PACRG: variants seen among roughly 807,000 people sequenced by gnomAD.
PACRG encodes the protein parkin coregulated gene protein.
In PACRG, 29 loss-of-function variants were observed where a neutral mutation model predicts 29.7. The observed-to-expected ratio is 0.98, with a 90% CI of 0.73 to 1.33. PACRG has a LOEUF of 1.33. PACRG is among the 40% of genes most tolerant of loss of function. The probability of loss-of-function intolerance (pLI) is 0.00; values close to 1 mark genes in which losing one functional copy is unlikely to be tolerated. For missense variants in PACRG, 279 were observed against 316.2 expected, an observed-to-expected ratio of 0.88 and a Z score of 0.89; for synonymous variants, 116 against 118.7, an observed-to-expected ratio of 0.98 and a Z score of 0.15.
rs1192318629 is a variant in PACRG at position 163,076,833 on chromosome 6, C to T, written c.464-12426C>T. On this transcript the variant is annotated intron_variant, in intron 3 of 4. Coordinates refer to ENST00000366888, the MANE Select transcript of PACRG (RefSeq NM_001080379.2). ...TCTGATTCACCTCTCCACTCCCTAC[C>T]CTCAACTCCAGTCCTATCCCCACTC... 1.3e-5 allele frequency among the ~76,000 whole-genome samples: 2 copies of T among 152,048 alleles called. 1 individual carries two copies. Among genetic ancestry groups the T allele is most frequent in the African/African-American group, 4.8e-5 (2 of 41,372 alleles).
intron 4 of PACRG, among the ~76,000 whole-genome samples, chr6:163,117,768 AG>A (rs1033899994): frequency 4.7e-5 from 7 of 149,376 alleles, no homozygotes; most frequent in African/African-American, 7.3e-5. Flanking sequence ...AAAAAAAAAA[AG>A]TTTCTAATGA....
chr6:163,096,622 A>C (rs972857545), intron 4 of PACRG, among the ~76,000 whole-genome samples: 1 of 152,156 alleles, frequency 6.6e-6, no homozygotes, highest in African/African-American at 2.4e-5. Flanking sequence ...GGGAGGATTA[A>C]AGCAGCTCAT....
chr6:163,028,406 T>C (rs1280122695), intron 2 of PACRG, among the ~76,000 whole-genome samples: 1 of 152,114 alleles, frequency 6.6e-6, no homozygotes, highest in African/African-American at 2.4e-5. Flanking sequence ...TGCACCTCCA[T>C]GGATGGGTAG....
chr6:162,950,758 C>T (rs1445826618), intron 2 of PACRG, among the ~76,000 whole-genome samples: 1 of 152,014 alleles, frequency 6.6e-6, no homozygotes, highest in African/African-American at 2.4e-5. Context: ...ATATTTTAAA[C>T]TTGTAAAATG....
intron 2 of PACRG, among the ~76,000 whole-genome samples, chr6:162,927,061 A>G (rs928036922): frequency 1.3e-5 from 2 of 152,156 alleles, no homozygotes; most frequent in African/African-American, 4.8e-5. Flanking sequence ...AAAGCTCAAC[A>G]TCACTGATCA....
intron 2 of PACRG, among the ~76,000 whole-genome samples, chr6:162,968,961 C>T (rs975661965): frequency 3.4e-5 from 5 of 146,344 alleles, no homozygotes; most frequent in African/African-American, 5.1e-5. Context: ...GCAGGAGAAT[C>T]GCTTGAACCC....
intron 2 of PACRG, among the ~76,000 whole-genome samples, chr6:163,049,502 G>A (rs1030923135): frequency 2.0e-5 from 3 of 151,926 alleles, no homozygotes; most frequent in East Asian, 3.9e-4. Flanking sequence ...AAACATTAAC[G>A]AATTCAAAAA....
chr6:163,003,167 T>C (rs1238176816), intron 2 of PACRG, among the ~76,000 whole-genome samples: 1 of 152,188 alleles, frequency 6.6e-6, no homozygotes, highest in Admixed American at 6.5e-5. Flanking sequence ...GCATTATTAC[T>C]TCTCTTAAAG....
chr6:163,272,696 G>A (rs947883150), intron 4 of PACRG, among the ~76,000 whole-genome samples: 8 of 151,992 alleles, frequency 5.3e-5, no homozygotes, highest in African/African-American at 1.9e-4. Flanking sequence ...ACTTATAAAG[G>A]CAGTATTTCA....
intron 4 of PACRG, among the ~76,000 whole-genome samples, chr6:163,195,977 T>C (rs1780436078): frequency 6.6e-6 from 1 of 152,158 alleles, no homozygotes; most frequent in South Asian, 2.1e-4. Flanking sequence ...CCTCTTGCTC[T>C]TTCTGGAGAA....
upstream of PACRG, chr6:162,727,339 A>C: frequency 2.9e-5 from 11 of 378,726 alleles, no homozygotes; most frequent in East Asian, 1.5e-4. Flanking sequence ...GGCGGGGAGA[A>C]GGCTTCGGGA....
chr6:163,072,090 G>A (rs1368258888), intron 3 of PACRG, among the ~76,000 whole-genome samples: 1 of 151,040 alleles, frequency 6.6e-6, no homozygotes, highest in Non-Finnish European at 1.5e-5. Context: ...ATTCTATAAG[G>A]CCAGTATTAT....
At chr6:163,292,068 G>A (rs1211572467) in intron 4 of PACRG, among the ~76,000 whole-genome samples, 1 of 152,142 alleles carries the variant, frequency 6.6e-6, no homozygotes, top group Non-Finnish European at 1.5e-5. Context: ...GTGGAAAAGG[G>A]TGAATTTAAA....
At position 163,261,604 on chromosome 6, in the gene PACRG, C is replaced by T. The variant is rs75558881; in HGVS notation, c.614-53223C>T. On this transcript the variant is annotated intron_variant, in intron 4 of 4. Coordinates refer to ENST00000366888, the MANE Select transcript of PACRG (RefSeq NM_001080379.2). The stretch of plus-strand genomic sequence containing the variant: ...CTTATGCTGTGCTGAGCCAGGCACT[C>T]GCAGGACACTCGGCCCTGCTGGTCA... Among the ~76,000 whole-genome samples the T allele has an allele frequency of 7.0e-3, 1,061 of 152,314 alleles. 11 individuals are homozygous for T. Among genetic ancestry groups the T allele is most frequent in the African/African-American group, 0.024 (991 of 41,544 alleles).
chr6:163,110,120 A>G (rs1344770854), intron 4 of PACRG, among the ~76,000 whole-genome samples: 1 of 152,172 alleles, frequency 6.6e-6, no homozygotes, highest in Admixed American at 6.5e-5. Flanking sequence ...ATCTTCACAG[A>G]TTCCAACTGA....
chr6:162,848,086 A>C lies in PACRG; in HGVS notation c.291+33805A>C, dbSNP rs137869364. Among the ~76,000 whole-genome samples the C allele has an allele frequency of 6.2e-3, 949 of 152,258 alleles. 13 individuals carry two copies. The highest frequency in any genetic ancestry group is 0.022 in the African/African-American group (904 of 41,556). On this transcript the variant is annotated intron_variant, in intron 2 of 4. Coordinates refer to ENST00000366888, the MANE Select transcript of PACRG (RefSeq NM_001080379.2). ...GGGAAAGGGAAGCTCTAGAGGGTGC[A>C]GCGGCAGAGTTATCACCGAGCTGGA...
At chr6:162,990,527 A>G (rs1803360344) in intron 2 of PACRG, among the ~76,000 whole-genome samples, 1 of 131,230 alleles carries the variant, frequency 7.6e-6, no homozygotes, top group African/African-American at 3.3e-5. Context: ...TTGGCTGCAT[A>G]AATGTCTTCT....
At chr6:163,022,680 C>G (rs1024341211) in intron 2 of PACRG, among the ~76,000 whole-genome samples, 1 of 152,180 alleles carries the variant, frequency 6.6e-6, no homozygotes, top group Non-Finnish European at 1.5e-5. Flanking sequence ...AGCACTGAAC[C>G]CACAGTTATG....
intron 2 of PACRG, among the ~76,000 whole-genome samples, chr6:163,038,752 C>T (rs148275737): frequency 4.6e-5 from 7 of 152,204 alleles, no homozygotes; most frequent in Non-Finnish European, 2.9e-5. Context: ...TAGATCTCTA[C>T]GCAACAGGCA....
Sources: gnomAD v4.1 joint callset for allele counts (sites outside exome capture counted in the v4.1 genomes callset) on GRCh38, gnomAD v4.1.1 for gene constraint, MANE v1.5 for transcripts, NCBI Gene and HGNC (gene_info 2026-07-23, HGNC 2026-07-21) for gene names.